The following SMTN variants were observed in gnomAD, a reference collection of about 807,000 sequenced individuals.
The protein encoded by SMTN is smoothelin.
A neutral mutation model predicts 102.0 loss-of-function variants in SMTN; 58 were observed. That is an observed-to-expected ratio of 0.57 (90% CI 0.46 to 0.71). SMTN has a LOEUF of 0.71. Among genes scored for constraint, SMTN ranks in the 30% least tolerant of loss-of-function variants. The pLI is 0.00. For synonymous variants in SMTN, 478 were observed against 497.9 expected (o/e 0.96, Z 0.53); for missense variants, 1,185 against 1,241.7 (o/e 0.95, Z 0.69).
upstream of SMTN, among the ~76,000 whole-genome samples, chr22:31,079,951 G>T (rs578002544): frequency 6.6e-6 from 1 of 152,114 alleles, no homozygotes; most frequent in Non-Finnish European, 1.5e-5. Flanking sequence ...TAGTAGAGAC[G>T]GGGTTTTTGC....
At chr22:31,077,395 CA>C (rs58101070), upstream of SMTN, among the ~76,000 whole-genome samples, 121,853 of 148,466 alleles carry the variant, frequency 0.82, 50,081 homozygotes, top group East Asian at 0.9. Flanking sequence ...CAAAACAAAA[CA>C]AAAAAAAAAA....
chr22:31,090,219 TC>T, intron 8 of SMTN, 39 bp downstream of exon 8: 4 of 1,522,726 alleles, frequency 2.6e-6, no homozygotes, highest in Non-Finnish European at 3.6e-6. Flanking sequence ...GCATCTTTCT[TC>T]CCCTCCCCCT....
At chr22:31,083,106 G>A in intron 1 of SMTN, 73 bp from the exon 2 acceptor site, 1 of 1,534,440 alleles carries the variant, frequency 6.5e-7, no homozygotes, top group Admixed American at 2.0e-5. Flanking sequence ...GAGAGGGAAA[G>A]TAAGGCACAG....
rs368889822 is a variant in SMTN at position 31,081,807 on chromosome 22, T to G, written c.-81+351T>G. ...TTATAATCCCATGGGTGTCCTAGAT[T>G]AGGCATTAGGGTCAGCTGCCCCATA... On this transcript the variant is annotated intron_variant, in intron 1 of 20. Coordinates refer to ENST00000333137, the MANE Select transcript of SMTN (RefSeq NM_134269.3). 9.2e-5 allele frequency among the ~76,000 whole-genome samples: 14 copies of G among 152,038 alleles called. No individual in the cohort carries two copies. In the South Asian group the frequency reaches 1.2e-3, roughly 14 times the overall value.
intron 19 of SMTN, among the ~76,000 whole-genome samples, chr22:31,100,199 T>G (rs2043961820): frequency 1.3e-5 from 2 of 151,858 alleles, no homozygotes; most frequent in South Asian, 2.1e-4. Flanking sequence ...TCTCTCTCCC[T>G]TTCTCTGTCC....
chr22:31,076,106 G>A (rs1320654803), intron 1 of SMTN, among the ~76,000 whole-genome samples: 1 of 152,194 alleles, frequency 6.6e-6, no homozygotes, highest in Non-Finnish European at 1.5e-5. Context: ...GCTGGGTTTG[G>A]GTTTGGGCCC....
At chr22:31,101,122 G>A (rs2044055427) in intron 20 of SMTN, 73 bp downstream of exon 20, 1 of 1,413,364 alleles carries the variant, frequency 7.1e-7, no homozygotes, top group Non-Finnish European at 9.6e-7. Flanking sequence ...AGGGTCCAGG[G>A]AGGCGGGTGG....
chr22:31,081,071 GAGCCT>G (rs1184862225), upstream of SMTN, among the ~76,000 whole-genome samples: 1 of 152,008 alleles, frequency 6.6e-6, no homozygotes, highest in African/African-American at 2.4e-5. Flanking sequence ...ACTTGGCGCA[GAGCCT>G]GCGTCCCCCT....
chr22:31,104,555 C>A lies in SMTN; in HGVS notation c.*260C>A. On this transcript the variant is annotated 3_prime_UTR_variant, in exon 21 of 21. Transcript: ENST00000333137. ...TGCCTGTGCGTCCGCCCACCGCTGC[C>A]CTGTCTGTTGCGACACCCTCCCCCC... is the stretch of plus-strand genomic sequence containing the variant. 1 of 1,374,640 alleles carries A rather than the reference C, an allele frequency of 7.3e-7. No homozygotes were observed. The highest frequency in any genetic ancestry group is 1.0e-6 in the Non-Finnish European group (1 of 983,594). The allele number at this position is 1,374,640 out of a possible 1,614,324, so 85.2% of individuals were successfully genotyped here. A position where few individuals can be genotyped will look rare whatever the true frequency, so the allele number is the denominator to read the frequency against.
chr22:31,091,262 G>T lies in SMTN; in HGVS notation c.1239G>T (p.Glu413Asp), dbSNP rs763869285. The T allele has an allele frequency of 1.2e-5, 20 of 1,602,228 alleles. No homozygotes were observed. The highest frequency in any genetic ancestry group is 1.6e-5 in the Non-Finnish European group (19 of 1,174,808). ...PLAQLRSCPQ[E>D]EGPRGRGLAA... ...CCCAGCTTCGAAGCTGCCCCCAGGAGGAGGGCCCCAGGGGGCGGGGCTTGG... is the reference window on the plus strand; with the variant it reads ...CCCAGCTTCGAAGCTGCCCCCAGGATGAGGGCCCCAGGGGGCGGGGCTTGG... Residue 413 changes from glutamate to aspartate, a missense_variant, in exon 10 of 21, where the codon GAG becomes GAT. Glu to Asp is a conservative substitution (Grantham distance 45). Around this residue, in one of 2 missense-constraint regions of SMTN, gnomAD observed 1,096 missense variants for 1,112.7 expected, o/e 0.98. Transcript: ENST00000333137.
At chr22:31,099,435 G>A in intron 18 of SMTN, 2 of 587,872 alleles carry the variant, frequency 3.4e-6, no homozygotes, top group Non-Finnish European at 6.0e-6. Context: ...CACTCTTGGA[G>A]TCCCCTCCTT....
intron 1 of SMTN, chr22:31,066,856 G>C (rs2041862708): frequency 6.7e-6 from 1 of 150,210 alleles, no homozygotes; most frequent in African/African-American, 2.5e-5. Context: ...TTAGGCTCAA[G>C]TGATCCTCCC....
At chr22:31,081,165 G>A (rs778406250), upstream of SMTN, among the ~76,000 whole-genome samples, 5 of 151,830 alleles carry the variant, frequency 3.3e-5, no homozygotes, top group Non-Finnish European at 5.9e-5. Context: ...CCTGGCCCGC[G>A]AGGGGCGGGG....
chr22:31,087,609 C>T (rs2042792146), intron 2 of SMTN, among the ~76,000 whole-genome samples: 3 of 152,208 alleles, frequency 2.0e-5, no homozygotes, highest in Non-Finnish European at 4.4e-5. Context: ...GGGTGGCCTC[C>T]CTCCTCCTCC....
Position 31,093,808 on chromosome 22 carries a change from G to A in SMTN, c.1633-1495G>A, listed in dbSNP as rs750478598. The A allele has an allele frequency of 1.4e-5, 22 of 1,593,060 alleles. No individual in the cohort carries two copies. The highest frequency in any genetic ancestry group is 3.4e-5 in the South Asian group (3 of 89,526). ...GGCTGCCGAGGATGCCGGGACCCCC[G>A]TGGCCCACCCACCTGCCTTCAGCAC... On this transcript the variant is annotated intron_variant, in intron 11 of 20. Transcript: ENST00000333137.
At chr22:31,081,968 T>C (rs1042908160) in intron 1 of SMTN, among the ~76,000 whole-genome samples, 3 of 151,430 alleles carry the variant, frequency 2.0e-5, no homozygotes, top group Non-Finnish European at 4.4e-5. Context: ...GATTGGGAGG[T>C]TGACACCTCT....
intron 1 of SMTN, chr22:31,065,606 T>G (rs2041828004): frequency 6.6e-6 from 1 of 152,056 alleles, no homozygotes; most frequent in African/African-American, 2.4e-5. Context: ...CACCTCGGCC[T>G]CCCAAAGTGT....
chr22:31,088,495 G>A lies in SMTN; in HGVS notation c.201-18G>A, dbSNP rs369580352. The A allele has an allele frequency of 8.8e-4, 1,412 of 1,610,696 alleles. 3 individuals carry two copies. The highest frequency in any genetic ancestry group is 1.1e-3 in the Non-Finnish European group (1,305 of 1,177,748). ...CCTGGCCATGGCAGTGGTGGTTACA[G>A]TCATGATGTCTCTGCAGCTCTCAGC... On this transcript the variant is annotated intron_variant, in intron 3 of 20. Coordinates refer to ENST00000333137, the MANE Select transcript of SMTN (RefSeq NM_134269.3).
Position 31,097,858 on chromosome 22 carries a change from A to G in SMTN, c.2159+520A>G, listed in dbSNP as rs1325662343. Among the ~76,000 whole-genome samples, 6 of 152,312 alleles carry G rather than the reference A, an allele frequency of 3.9e-5. No homozygotes were observed. The East Asian group carries it at 7.7e-4, about 20-fold the overall frequency. ...TCCTTGGGATCTCATTTTATTCTCA[A>G]CCACACCACAGGAGAGGTGGATGCT... is the stretch of plus-strand genomic sequence containing the variant. On this transcript the variant is annotated intron_variant, in intron 16 of 20. Coordinates refer to ENST00000333137, the MANE Select transcript of SMTN (RefSeq NM_134269.3).
Sources: allele counts gnomAD v4.1 joint callset (sites outside exome capture counted in the v4.1 genomes callset), GRCh38; gene constraint gnomAD v4.1.1; regional missense constraint gnomAD v4.1.1; transcripts MANE v1.5; gene names NCBI Gene and HGNC (gene_info 2026-07-23, HGNC 2026-07-21).